The following NRN1L variants were observed in gnomAD, a reference collection of about 807,000 sequenced individuals.
NRN1L encodes neuritin-like protein.
NRN1L carries 12 observed loss-of-function variants against 8.8 expected under a neutral mutation model. That is an observed-to-expected ratio of 1.36 (90% CI 0.87 to 2.20). NRN1L has a LOEUF of 2.20. Among genes scored for constraint, NRN1L ranks in the 30% most tolerant of loss-of-function variants. The pLI, the probability that NRN1L is intolerant of heterozygous loss-of-function variation, is 0.00. For missense variants in NRN1L, 266 were observed against 232.4 expected (o/e 1.14, Z -0.94); for synonymous variants, 114 against 99.2 (o/e 1.15, Z -0.88).
Position 67,885,792 on chromosome 16 carries a change from C to T in NRN1L, c.150C>T (p.Ala50=), listed in dbSNP as rs150898109. The change falls in exon 2 of 3, where the codon GCC becomes GCT. Residue 50 remains alanine (A), a synonymous_variant. Transcript: ENST00000339176. ...NRCDTIYQGF[A]ECLIRLGDSM... is the part of the protein sequence containing the mutation. ...GTGACACCATATACCAGGGCTTCGCCGAGTGTCTCATCCGCTTGGGGGACA... is the reference window on the plus strand; with the variant it reads ...GTGACACCATATACCAGGGCTTCGCTGAGTGTCTCATCCGCTTGGGGGACA... 1.5e-4 allele frequency: 247 copies of T among 1,597,522 alleles called. No homozygotes were observed. Among genetic ancestry groups the T allele is most frequent in the Admixed American group, 2.8e-4 (16 of 56,156 alleles).
chr16:67,888,132 T>C (rs1242219768), downstream of NRN1L, among the ~76,000 whole-genome samples: 1 of 152,152 alleles, frequency 6.6e-6, no homozygotes, highest in Non-Finnish European at 1.5e-5. Flanking sequence ...GAATCCTCGT[T>C]GTGTCTCTAG....
At position 67,886,010 on chromosome 16, in the gene NRN1L, C is replaced by T; in HGVS notation, c.249C>T (p.Val83=). Residue 83 remains valine, a synonymous_variant, in exon 3 of 3, where the codon GTC becomes GTT. Coordinates refer to ENST00000339176, the MANE Select transcript of NRN1L (RefSeq NM_198443.2). ...WNDFHACASQ[V]LSGCPEEAAA... is the part of the protein sequence containing the mutation. ...ACTTCCATGCCTGTGCCTCTCAGGT[C>T]CTGTCAGGCTGTCCGGAGGAGGCAG... 1 of 1,614,180 alleles carries T rather than the reference C, an allele frequency of 6.2e-7. No homozygotes were observed. Among genetic ancestry groups the T allele is most frequent in the East Asian group, 2.2e-5 (1 of 44,886 alleles).
chr16:67,888,473 C>G (rs2058102765), downstream of NRN1L, among the ~76,000 whole-genome samples: 1 of 152,086 alleles, frequency 6.6e-6, no homozygotes, highest in Admixed American at 6.6e-5. Flanking sequence ...TCTCTAAGTC[C>G]CTACTTTTCC....
chr16:67,886,387 C>T (rs1486731787), downstream of NRN1L: 3 of 903,094 alleles, frequency 3.3e-6, no homozygotes, highest in East Asian at 8.1e-5. Context: ...CTTCCTTTCT[C>T]CTGGCTGTGG....
At chr16:67,885,693 T>TGCG in intron 1 of NRN1L, 29 bp from the exon 2 acceptor site, 4 of 1,257,210 alleles carry the variant, frequency 3.2e-6, no homozygotes, top group Non-Finnish European at 4.4e-6. Context: ...TACCATTCCT[T>TGCG]CCCCACCCCA....
intron 1 of NRN1L, 29 bp from the exon 2 acceptor site, chr16:67,885,693 T>TGGCCCCCCCCCCC: frequency 8.0e-7 from 1 of 1,257,214 alleles, no homozygotes; most frequent in Non-Finnish European, 1.1e-6. Context: ...TACCATTCCT[T>TGGCCCCCCCCCCC]CCCCACCCCA....
chr16:67,888,116 T>C (rs979910554), downstream of NRN1L, among the ~76,000 whole-genome samples: 2 of 152,228 alleles, frequency 1.3e-5, no homozygotes, highest in African/African-American at 4.8e-5. Flanking sequence ...GAAGTCCTTT[T>C]TGTCAGAATC....
Position 67,885,713 on chromosome 16 carries a change from C to CCCCCAAAAAAA in NRN1L, c.80-9_80-8insCCCCAAAAAAA. 1 of 1,509,818 alleles carries CCCCCAAAAAAA rather than the reference C, an allele frequency of 6.6e-7. No individual in the cohort carries two copies. Among genetic ancestry groups the CCCCCAAAAAAA allele is most frequent in the Non-Finnish European group, 9.1e-7 (1 of 1,104,186 alleles). The allele number at this position is 1,509,818 out of a possible 1,614,324, so 93.5% of individuals were successfully genotyped here. On this transcript the variant is annotated splice_polypyrimidine_tract_variant and intron_variant, in intron 1 of 2. Coordinates refer to ENST00000339176, the MANE Select transcript of NRN1L (RefSeq NM_198443.2). ...TTCCTTCCCCACCCCACCCCCGCCC[C>CCCCCAAAAAAA]ACTTCTAGTCCTTTTACCTCCCCTG...
In NRN1L at chr16:67,885,777, A is replaced by G. The variant is rs2058093325; in HGVS notation, c.135A>G (p.Ile45Met). Reference sequence around the variant, plus strand: ...CGGGCCCAAACCGATGTGACACCATATACCAGGGCTTCGCCGAGTGTCTCA... The same window carrying G: ...CGGGCCCAAACCGATGTGACACCATGTACCAGGGCTTCGCCGAGTGTCTCA... Reference protein sequence around the residue: ...AAAGPNRCDTIYQGFAECLIR... With the variant: ...AAAGPNRCDTMYQGFAECLIR... Residue 45 changes from isoleucine to methionine, a missense_variant, in exon 2 of 3, where the codon ATA becomes ATG. Physicochemically the swap from Ile to Met is conservative, Grantham distance 10 (BLOSUM62 1). Transcript: ENST00000339176. 8 of 1,608,236 alleles carry G rather than the reference A, an allele frequency of 5.0e-6. No homozygotes were observed. Among genetic ancestry groups the G allele is most frequent in the Non-Finnish European group, 6.8e-6 (8 of 1,177,658 alleles).
rs1293770134 is a variant in NRN1L at position 67,886,091 on chromosome 16, C to G, written c.330C>G (p.Asn110Lys). 2 of 1,613,334 alleles carry G rather than the reference C, an allele frequency of 1.2e-6. No individual in the cohort carries two copies. The highest frequency in any genetic ancestry group is 2.7e-5 in the African/African-American group (2 of 74,936). ...CTCGCCAGGCCCCCCGTCCGAATAACTTGCACACTCTGTGCGGTGCCCCGG... is the reference window on the plus strand; with the variant it reads ...CTCGCCAGGCCCCCCGTCCGAATAAGTTGCACACTCTGTGCGGTGCCCCGG... ...QEARQAPRPN[N>K]LHTLCGAPVH... The change falls in exon 3 of 3, where the codon AAC becomes AAG. Residue 110 changes from asparagine (N) to lysine (K), a missense_variant. Transcript: ENST00000339176.
chr16:67,887,522 G>A (rs547347455), downstream of NRN1L, among the ~76,000 whole-genome samples: 15 of 151,466 alleles, frequency 9.9e-5, no homozygotes, highest in African/African-American at 3.1e-4. Context: ...TGACCCCCGC[G>A]GCCTTCCAAA....
chr16:67,887,824 C>T (rs1462878246), downstream of NRN1L, among the ~76,000 whole-genome samples: 1 of 152,100 alleles, frequency 6.6e-6, no homozygotes, highest in Non-Finnish European at 1.5e-5. Flanking sequence ...CCTCATGATC[C>T]ACCCGCCTCG....
In NRN1L at chr16:67,885,713, C is replaced by CCCAAAA; in HGVS notation, c.80-9_80-8insCCAAAA. The stretch of plus-strand genomic sequence containing the variant: ...TTCCTTCCCCACCCCACCCCCGCCC[C>CCCAAAA]ACTTCTAGTCCTTTTACCTCCCCTG... On this transcript the variant is annotated splice_polypyrimidine_tract_variant and intron_variant, in intron 1 of 2. Coordinates refer to ENST00000339176, the MANE Select transcript of NRN1L (RefSeq NM_198443.2). The CCCAAAA allele has an allele frequency of 8.6e-6, 13 of 1,509,702 alleles. No individual in the cohort carries two copies. Among genetic ancestry groups the CCCAAAA allele is most frequent in the Middle Eastern group, 1.8e-4 (1 of 5,622 alleles). The allele number at this position is 1,509,702 out of a possible 1,614,324, so 93.5% of individuals were successfully genotyped here. A position where few individuals can be genotyped will look rare whatever the true frequency, so the allele number is the denominator to read the frequency against.
At chr16:67,886,620 G>A (rs901244931), downstream of NRN1L, among the ~76,000 whole-genome samples, 21 of 152,170 alleles carry the variant, frequency 1.4e-4, no homozygotes, top group Admixed American at 1.2e-3. Context: ...CTTCCTGTGC[G>A]GGTTGAGATC....
chr16:67,888,122 G>A (rs1292244131), downstream of NRN1L, among the ~76,000 whole-genome samples: 1 of 152,206 alleles, frequency 6.6e-6, no homozygotes. Context: ...CTTTTTGTCA[G>A]AATCCTCGTT....
rs537942813 is a variant in NRN1L at position 67,884,927 on chromosome 16, C to G, written c.24C>G (p.Arg8=). 5 of 1,606,820 alleles carry G rather than the reference C, an allele frequency of 3.1e-6. No homozygotes were observed. The Admixed American group carries it at 6.7e-5, about 21-fold the overall frequency. Residue 8 remains arginine (R), a synonymous_variant, in exon 1 of 3, where the codon CGC becomes CGG. Transcript: ENST00000339176. This position sits in a 1 kb window ranked among gnomAD's most constrained non-coding sequence, Gnocchi z 4.1. MMRCCRR[R]CCCRQPPHAL... is the part of the protein sequence containing the mutation. ...GGATGATGCGCTGCTGCCGCCGCCG[C>G]TGCTGCTGCCGGCAACCACCCCATG...
In NRN1L at chr16:67,884,925, C is replaced by G. The variant is rs1331023132; in HGVS notation, c.22C>G (p.Arg8Gly). 1.2e-6 allele frequency: 2 copies of G among 1,606,432 alleles called. No individual in the cohort carries two copies. The highest frequency in any genetic ancestry group is 2.2e-5 in the East Asian group (1 of 44,864). ...AGGGATGATGCGCTGCTGCCGCCGCCGCTGCTGCTGCCGGCAACCACCCCA... is the reference window on the plus strand; with the variant it reads ...AGGGATGATGCGCTGCTGCCGCCGCGGCTGCTGCTGCCGGCAACCACCCCA... MMRCCRR[R>G]CCCRQPPHAL... The change falls in exon 1 of 3, where the codon CGC becomes GGC. Residue 8 changes from arginine to glycine, a missense_variant. Transcript: ENST00000339176. The surrounding 1 kb of genome is among the most constrained non-coding windows in gnomAD (Gnocchi z 4.1).
At chr16:67,885,633 C>A in intron 1 of NRN1L, 89 bp from the exon 2 acceptor site, 1 of 1,052,312 alleles carries the variant, frequency 9.5e-7, no homozygotes, top group Non-Finnish European at 1.4e-6. Context: ...AGAGTGCTCC[C>A]AGGTAAACAA....
chr16:67,885,705 C>A lies in NRN1L; in HGVS notation c.80-17C>A. 3 of 1,354,868 alleles carry A rather than the reference C, an allele frequency of 2.2e-6. No homozygotes were observed. The highest frequency in any genetic ancestry group is 1.3e-5 in the South Asian group (1 of 75,998). 83.9% of individuals were successfully genotyped at this position (1,354,868 alleles called of 1,614,324 possible). A position where few individuals can be genotyped will look rare whatever the true frequency, so the allele number is the denominator to read the frequency against. On this transcript the variant is annotated splice_polypyrimidine_tract_variant and intron_variant, in intron 1 of 2. Coordinates refer to ENST00000339176, the MANE Select transcript of NRN1L (RefSeq NM_198443.2). Reference sequence around the variant, plus strand: ...ATCTACCATTCCTTCCCCACCCCACCCCCGCCCCACTTCTAGTCCTTTTAC... The same window carrying A: ...ATCTACCATTCCTTCCCCACCCCACACCCGCCCCACTTCTAGTCCTTTTAC...
Sources: gnomAD v4.1 joint callset for allele counts (sites outside exome capture counted in the v4.1 genomes callset) on GRCh38, gnomAD v4.1.1 for gene constraint, Gnocchi (gnomAD v3.1) non-coding constraint, MANE v1.5 for transcripts, NCBI Gene and HGNC (gene_info 2026-07-23, HGNC 2026-07-21) for gene names.